The following CPAMD8 variants were observed in gnomAD, a reference collection of about 807,000 sequenced individuals.
The protein encoded by CPAMD8 is C3 and PZP like alpha-2-macroglobulin domain containing 8, also known as C3 and PZP-like alpha-2-macroglobulin domain-containing protein 8.
CPAMD8 carries 146 observed loss-of-function variants against 224.7 expected under a neutral mutation model. The observed-to-expected ratio is 0.65, with a 90% confidence interval of 0.57 to 0.75. CPAMD8 has a LOEUF of 0.75. Among genes scored for constraint, CPAMD8 ranks in the 30% least tolerant of loss-of-function variants. CPAMD8 has a pLI of 0.00. For synonymous variants in CPAMD8, 966 were observed against 1,044.6 expected (o/e 0.92, Z 1.45); for missense variants, 2,301 against 2,537.5 (o/e 0.91, Z 2.00).
intron 1 of CPAMD8, among the ~76,000 whole-genome samples, chr19:17,023,667 C>T (rs2057012668): frequency 6.6e-6 from 1 of 151,966 alleles, no homozygotes; most frequent in African/African-American, 2.4e-5. Context: ...CTGTACCCTC[C>T]ACCTCCCAGG....
chr19:16,991,747 C>T lies in CPAMD8; in HGVS notation c.1266+1669G>A, dbSNP rs905823432. Among the ~76,000 whole-genome samples the T allele has an allele frequency of 5.3e-5, 8 of 151,620 alleles. No individual in the cohort carries two copies. In the South Asian group the frequency reaches 6.2e-4, roughly 12 times the overall value. ...GGGGGCGCCTGTAATCCCAGCTACT[C>T]GGGAGGCTGAGGCAGGATAATCGCT... On this transcript the variant is annotated intron_variant, in intron 12 of 41. Transcript: ENST00000443236.
chr19:16,950,731 T>G (rs1319813032), intron 20 of CPAMD8, among the ~76,000 whole-genome samples: 2 of 142,906 alleles, frequency 1.4e-5, no homozygotes, highest in Middle Eastern at 3.4e-3. Context: ...AGGTCAAGGC[T>G]GCAGTGAGCT....
intron 18 of CPAMD8, among the ~76,000 whole-genome samples, chr19:16,959,756 GTC>G (rs960872839): frequency 6.6e-6 from 1 of 151,618 alleles, no homozygotes; most frequent in Non-Finnish European, 1.5e-5. Flanking sequence ...GGCCAGGCTG[GTC>G]TCGAACTCCT....
rs1359843277 is a variant in CPAMD8 at position 16,898,474 on chromosome 19, G to C, written c.4849-480C>G. Among the ~76,000 whole-genome samples the C allele has an allele frequency of 3.9e-5, 6 of 152,002 alleles. No individual in the cohort carries two copies. The highest frequency in any genetic ancestry group is 1.4e-4 in the African/African-American group (6 of 41,400). On this transcript the variant is annotated intron_variant, in intron 37 of 41. Transcript: ENST00000443236. This position sits in a 1 kb window ranked among gnomAD's most constrained non-coding sequence, Gnocchi z 4.2. ...GGCCTCTGAAACACCACTCCTTTTT[G>C]TGTGTGTGCACGCATGGCTGAGCAT...
At chr19:17,013,546 A>ATAAAATAAAATAAAAT (rs1568603163) in intron 3 of CPAMD8, 1 of 151,098 alleles carries the variant, frequency 6.6e-6, no homozygotes, top group African/African-American at 2.5e-5. Flanking sequence ...ATAAAATAAA[A>ATAAAATAAAATAAAAT]ATCACAACAC....
intron 12 of CPAMD8, among the ~76,000 whole-genome samples, chr19:16,992,507 A>G (rs1200103137): frequency 6.6e-6 from 1 of 152,136 alleles, no homozygotes; most frequent in African/African-American, 2.4e-5. Context: ...GCTGGGGTGC[A>G]GTGGCGCAAT....
At chr19:16,985,258 T>A (rs1053772937) in intron 13 of CPAMD8, among the ~76,000 whole-genome samples, 3 of 149,442 alleles carry the variant, frequency 2.0e-5, no homozygotes, top group African/African-American at 7.4e-5. Context: ...AGAGGGAGAA[T>A]GGATGAAGGG....
At position 16,903,744 on chromosome 19, in the gene CPAMD8, G is replaced by C; in HGVS notation, c.4365C>G (p.Phe1455Leu). The change falls in exon 33 of 42, where the codon TTC (phenylalanine) becomes TTG (leucine). Residue 1455 changes from phenylalanine to leucine, a missense_variant. Coordinates refer to ENST00000443236, the MANE Select transcript of CPAMD8 (RefSeq NM_015692.5). ...ASTNLDYQET[F>L]ELHRTNQKVL... is the part of the protein sequence containing the mutation. ...CCTTCTGGTTGGTCCTGTGCAGCTC[G>C]AAGGTTTCCTGGTAGTCCAGGTTGG... 1 of 1,614,182 alleles carries C rather than the reference G, an allele frequency of 6.2e-7. No homozygotes were observed. Among genetic ancestry groups the C allele is most frequent in the South Asian group, 1.1e-5 (1 of 91,088 alleles).
chr19:17,012,911 A>G (rs1306199551), intron 3 of CPAMD8, among the ~76,000 whole-genome samples: 1 of 152,174 alleles, frequency 6.6e-6, no homozygotes, highest in Non-Finnish European at 1.5e-5. Flanking sequence ...GCTGAGCGCA[A>G]TGGCTCACAC....
At chr19:16,949,685 A>G (rs2054237269) in intron 20 of CPAMD8, among the ~76,000 whole-genome samples, 1 of 152,138 alleles carries the variant, frequency 6.6e-6, no homozygotes. Context: ...CCCAAAGCCA[A>G]GCCAAACTAT....
chr19:16,929,173 G>C lies in CPAMD8; in HGVS notation c.2913C>G (p.Thr971=). 6.2e-7 allele frequency: 1 copy of C among 1,614,072 alleles called. No homozygotes were observed. The highest frequency in any genetic ancestry group is 1.7e-5 in the Admixed American group (1 of 60,030). The change falls in exon 24 of 42, where the codon ACC becomes ACG. Residue 971 remains threonine, a synonymous_variant. Transcript: ENST00000443236. ...GAGCTCGCACAGCCACATCAAAGCG[G>C]GTGAGGCGCAGTGGCCGCTGCACAT... ...FQYVQRPLRL[T]RFDVAVRAHN...
intron 30 of CPAMD8, among the ~76,000 whole-genome samples, chr19:16,906,378 CT>C (rs61570620): frequency 4.2e-5 from 3 of 71,586 alleles, no homozygotes; most frequent in South Asian, 6.0e-4. Flanking sequence ...TTCTTTCTTT[CT>C]TTCTTTCTTT....
chr19:16,987,888 T>C (rs149211665), intron 13 of CPAMD8, among the ~76,000 whole-genome samples: 2,599 of 152,100 alleles, frequency 0.017, 27 homozygotes, highest in Non-Finnish European at 0.028. Flanking sequence ...GGTCTCAAAC[T>C]CCTGGGCTCA....
At chr19:16,970,031 G>A (rs1430375007) in intron 18 of CPAMD8, among the ~76,000 whole-genome samples, 11 of 149,818 alleles carry the variant, frequency 7.3e-5, no homozygotes, top group Admixed American at 1.3e-4. Flanking sequence ...TCAGGAGATC[G>A]AGACCATCCT....
At position 16,918,781 on chromosome 19, in the gene CPAMD8, A is replaced by ATCTGTAG. The variant is rs1327120742; in HGVS notation, c.3629+3117_3629+3123dup. Among the ~76,000 whole-genome samples the ATCTGTAG allele has an allele frequency of 2.2e-5, 3 of 136,558 alleles. No individual in the cohort carries two copies. In the Admixed American group the frequency reaches 2.4e-4, roughly 11 times the overall value. 89.6% of individuals were successfully genotyped at this position (136,558 alleles called of 152,430 possible). On this transcript the variant is annotated intron_variant, in intron 27 of 41. Coordinates refer to ENST00000443236, the MANE Select transcript of CPAMD8 (RefSeq NM_015692.5). ...TTTTTTTTTTTTCTGAATAGTTTCG[A>ATCTGTAG]TCTGTAGTTGATTGAATCCTGTGGA...
At chr19:16,961,632 G>A (rs1368052031) in intron 18 of CPAMD8, among the ~76,000 whole-genome samples, 3 of 152,208 alleles carry the variant, frequency 2.0e-5, no homozygotes, top group South Asian at 2.1e-4. Flanking sequence ...AGACTTAAAC[G>A]TCCCTGTCTG....
chr19:17,025,469 A>G (rs1009653787), intron 1 of CPAMD8, among the ~76,000 whole-genome samples: 2 of 152,198 alleles, frequency 1.3e-5, no homozygotes, highest in African/African-American at 4.8e-5. Context: ...AAACCTCTGT[A>G]TAAGGCAGGG....
At chr19:16,896,385 G>A in intron 40 of CPAMD8, 59 bp from the exon 41 acceptor site, 1 of 1,527,566 alleles carries the variant, frequency 6.5e-7, no homozygotes, top group South Asian at 1.2e-5. Context: ...CAAGGGCCGA[G>A]GGGAGGAGAT....
chr19:16,969,622 G>A (rs112738178), intron 18 of CPAMD8, among the ~76,000 whole-genome samples: 113 of 152,304 alleles, frequency 7.4e-4, no homozygotes, highest in African/African-American at 2.5e-3. Context: ...GCTCACGCCT[G>A]TAATCCCAGC....
Sources: gnomAD v4.1 joint callset for allele counts (sites outside exome capture counted in the v4.1 genomes callset) on GRCh38, gnomAD v4.1.1 for gene constraint, Gnocchi (gnomAD v3.1) non-coding constraint, MANE v1.5 for transcripts, NCBI Gene and HGNC (gene_info 2026-07-23, HGNC 2026-07-21) for gene names.